Variants in RUNX2 observed in about 807,000 individuals in gnomAD.
The protein encoded by RUNX2 is RUNX family transcription factor 2.
In RUNX2, 10 loss-of-function variants were observed where a neutral mutation model predicts 51.7. The ratio of observed to expected loss-of-function variants is 0.19; its 90% CI spans 0.12 to 0.33. RUNX2 has a LOEUF of 0.33. Ranked by LOEUF, RUNX2 falls within the 10% of genes least tolerant of loss-of-function variation. The probability of loss-of-function intolerance (pLI) is 1.00; values close to 1 mark genes in which losing one functional copy is unlikely to be tolerated. For missense variants in RUNX2, 562 were observed against 691.3 expected (o/e 0.81, Z 2.10); for synonymous variants, 276 against 273.6 (o/e 1.01, Z -0.09).
intron 7 of RUNX2, among the ~76,000 whole-genome samples, chr6:45,532,162 ATTTTTTTTTTTTT>A (rs3055521): frequency 1.2e-5 from 1 of 85,120 alleles, no homozygotes; most frequent in Non-Finnish European, 2.2e-5. Flanking sequence ...GAAAACCTAG[ATTTTTTTTTTTTT>A]TTTTTTTTTT....
chr6:45,536,566 T>C (rs1447845524), intron 7 of RUNX2, among the ~76,000 whole-genome samples: 1 of 152,152 alleles, frequency 6.6e-6, no homozygotes, highest in African/African-American at 2.4e-5. Context: ...TTTGGGAAAT[T>C]GTATTTGAAA....
At chr6:45,452,724 G>T (rs1236044640) in intron 5 of RUNX2, among the ~76,000 whole-genome samples, 1 of 152,032 alleles carries the variant, frequency 6.6e-6, no homozygotes, top group East Asian at 1.9e-4. Context: ...TGAACTAAGT[G>T]CATACAATTT....
At chr6:45,505,647 T>C (rs1378946703) in intron 6 of RUNX2, among the ~76,000 whole-genome samples, 2 of 152,180 alleles carry the variant, frequency 1.3e-5, no homozygotes, top group Non-Finnish European at 2.9e-5. Flanking sequence ...TTTTGCCTGA[T>C]GAAAGGCAAC....
intron 5 of RUNX2, among the ~76,000 whole-genome samples, chr6:45,482,137 C>A (rs1800135240): frequency 6.6e-6 from 1 of 152,114 alleles, no homozygotes; most frequent in African/African-American, 2.4e-5. Flanking sequence ...TTTTTTCCTG[C>A]CTGCAAAAAG....
At chr6:45,342,007 A>G (rs144071310) in intron 2 of RUNX2, among the ~76,000 whole-genome samples, 1 of 152,142 alleles carries the variant, frequency 6.6e-6, no homozygotes, top group Admixed American at 6.5e-5. Context: ...GCATTAAAAA[A>G]AAACGGAGAC....
chr6:45,344,078 G>A (rs1241972406), intron 2 of RUNX2, among the ~76,000 whole-genome samples: 6 of 152,054 alleles, frequency 3.9e-5, no homozygotes, highest in Admixed American at 3.9e-4. Context: ...ATGAAAAATT[G>A]TCAAACTAAA....
At chr6:45,428,181 G>T (rs970591853) in intron 3 of RUNX2, among the ~76,000 whole-genome samples, 6 of 152,128 alleles carry the variant, frequency 3.9e-5, no homozygotes, top group African/African-American at 1.4e-4. Flanking sequence ...AGTTTTGACT[G>T]CACTTTACCC....
intron 7 of RUNX2, 131 bp from the exon 8 acceptor site, chr6:45,545,086 C>T: frequency 1.3e-6 from 1 of 766,370 alleles, no homozygotes; most frequent in Non-Finnish European, 2.2e-6. Flanking sequence ...CTGGGAAATA[C>T]TAATGAGGGA....
intron 5 of RUNX2, among the ~76,000 whole-genome samples, chr6:45,454,988 A>G (rs1185750922): frequency 3.9e-5 from 6 of 152,224 alleles, no homozygotes; most frequent in Admixed American, 3.9e-4. Flanking sequence ...GTGGCAGGCG[A>G]CTGTAGTCCC....
chr6:45,388,136 A>G (rs936189323), intron 2 of RUNX2, among the ~76,000 whole-genome samples: 4 of 152,192 alleles, frequency 2.6e-5, no homozygotes, highest in African/African-American at 7.2e-5. Context: ...ACTGGATGCA[A>G]AGATAGAATT....
intron 5 of RUNX2, among the ~76,000 whole-genome samples, chr6:45,461,949 G>GCTAGAA (rs1263111044): frequency 1.3e-5 from 2 of 152,052 alleles, no homozygotes; most frequent in Non-Finnish European, 2.9e-5. Flanking sequence ...GGCAGCTGTG[G>GCTAGAA]CTAGAACACA....
intron 2 of RUNX2, among the ~76,000 whole-genome samples, chr6:45,356,341 T>C (rs920910768): frequency 6.6e-6 from 1 of 152,074 alleles, no homozygotes; most frequent in African/African-American, 2.4e-5. Context: ...TATACACACA[T>C]ATATGTTAAT....
intron 2 of RUNX2, among the ~76,000 whole-genome samples, chr6:45,380,549 A>T (rs1338054576): frequency 2.6e-5 from 4 of 152,144 alleles, no homozygotes; most frequent in African/African-American, 9.7e-5. Flanking sequence ...ATATGGAACC[A>T]TCTCTCTGAT....
chr6:45,409,521 T>G (rs1354267219), intron 2 of RUNX2, among the ~76,000 whole-genome samples: 1 of 152,204 alleles, frequency 6.6e-6, no homozygotes, highest in Non-Finnish European at 1.5e-5. Flanking sequence ...GGTAGATACT[T>G]AGGTACGGAA....
At chr6:45,383,706 A>G (rs75140501) in intron 2 of RUNX2, among the ~76,000 whole-genome samples, 4 of 152,234 alleles carry the variant, frequency 2.6e-5, no homozygotes, top group African/African-American at 4.8e-5. Flanking sequence ...CCAGTTCTCC[A>G]AAGTATTTTC....
chr6:45,365,166 A>G (rs754093061), intron 2 of RUNX2: 1 of 1,249,948 alleles, frequency 8.0e-7, no homozygotes, highest in South Asian at 1.5e-5. Flanking sequence ...TAAATTTAAA[A>G]TAGTAATAGC....
At chr6:45,387,903 G>A (rs1445407391) in intron 2 of RUNX2, among the ~76,000 whole-genome samples, 1 of 152,180 alleles carries the variant, frequency 6.6e-6, no homozygotes, top group African/African-American at 2.4e-5. Flanking sequence ...TAGAGTGGTA[G>A]GAATAGAAGC....
chr6:45,393,018 A>G (rs1360080150), intron 2 of RUNX2, among the ~76,000 whole-genome samples: 1 of 151,838 alleles, frequency 6.6e-6, no homozygotes, highest in East Asian at 1.9e-4. Context: ...TTTCTGTTAC[A>G]GTGTTTTTGA....
At chr6:45,373,279 C>T (rs1796340400) in intron 2 of RUNX2, among the ~76,000 whole-genome samples, 1 of 152,128 alleles carries the variant, frequency 6.6e-6, no homozygotes. Context: ...TTAACCTTCA[C>T]TACCCATTAA....
Sources: gnomAD v4.1 joint callset for allele counts (sites outside exome capture counted in the v4.1 genomes callset) on GRCh38, gnomAD v4.1.1 for gene constraint, MANE v1.5 for transcripts, NCBI Gene and HGNC (gene_info 2026-07-23, HGNC 2026-07-21) for gene names.